Variants in TYW1B observed in about 807,000 individuals in gnomAD.
TYW1B encodes tRNA-yW synthesizing protein 1 homolog B.
In TYW1B, 73 loss-of-function variants were observed where a neutral mutation model predicts 86.9. That is an observed-to-expected ratio of 0.84 (90% CI 0.70 to 1.02). TYW1B has a LOEUF of 1.02. Among genes scored for constraint, TYW1B ranks in the 50% least tolerant of loss-of-function variants. The pLI is 0.00. For missense variants in TYW1B, 637 were observed against 827.4 expected, an observed-to-expected ratio of 0.77 and a Z score of 2.82; for synonymous variants, 248 against 292.8, an observed-to-expected ratio of 0.85 and a Z score of 1.56.
intron 6 of TYW1B, 140 bp from the exon 7 acceptor site, chr7:72,777,673 T>C (rs1554470844): frequency 9.5e-6 from 10 of 1,047,970 alleles, no homozygotes; most frequent in African/African-American, 1.6e-5. Flanking sequence ...CCCAGCATTT[T>C]AGAAGGCCAG....
chr7:72,622,871 G>A (rs1371243462), intron 12 of TYW1B, among the ~76,000 whole-genome samples: 3 of 152,054 alleles, frequency 2.0e-5, no homozygotes, highest in Non-Finnish European at 4.4e-5. Flanking sequence ...ACATGTCAGG[G>A]AGAAAAGATG....
intron 7 of TYW1B, among the ~76,000 whole-genome samples, chr7:72,767,107 A>T (rs1787783874): frequency 6.6e-6 from 1 of 152,026 alleles, no homozygotes; most frequent in Non-Finnish European, 1.5e-5. Context: ...TGAAGACTCT[A>T]CAAAATGAAA....
At chr7:72,591,052 A>T (rs1215914546) in intron 13 of TYW1B, among the ~76,000 whole-genome samples, 1 of 152,192 alleles carries the variant, frequency 6.6e-6, no homozygotes, top group African/African-American at 2.4e-5. Context: ...AACTGAAATG[A>T]AAAATTCATT....
At chr7:72,636,093 T>C (rs1451423667) in intron 11 of TYW1B, among the ~76,000 whole-genome samples, 1 of 152,254 alleles carries the variant, frequency 6.6e-6, no homozygotes, top group Admixed American at 6.5e-5. Context: ...TTTATTTAGA[T>C]CCTTTAAAAT....
At chr7:72,779,226 C>G (rs1170433204) in intron 6 of TYW1B, among the ~76,000 whole-genome samples, 1 of 152,226 alleles carries the variant, frequency 6.6e-6, no homozygotes, top group Admixed American at 6.5e-5. Flanking sequence ...TCTACTTTAA[C>G]ATGAGAATAT....
intron 9 of TYW1B, among the ~76,000 whole-genome samples, chr7:72,714,891 TG>T (rs1204711627): frequency 6.6e-6 from 1 of 152,170 alleles, no homozygotes; most frequent in African/African-American, 2.4e-5. Flanking sequence ...CACTCCAGCC[TG>T]GGCAACAGAG....
At chr7:72,778,574 C>G (rs1317832783) in intron 6 of TYW1B, among the ~76,000 whole-genome samples, 1 of 152,176 alleles carries the variant, frequency 6.6e-6, no homozygotes, top group African/African-American at 2.4e-5. Flanking sequence ...CTCAGCCTCC[C>G]AAGTAGCTGG....
At position 72,828,163 on chromosome 7, in the gene TYW1B, C is replaced by T. The variant is rs1214253163; in HGVS notation, c.-88G>A. 77 of 1,593,584 alleles carry T rather than the reference C, an allele frequency of 4.8e-5. No homozygotes were observed. In the African/African-American group the frequency reaches 9.6e-4, roughly 20 times the overall value. On this transcript the variant is annotated 5_prime_UTR_variant, in exon 1 of 14. Transcript: ENST00000620995. ...TACTGCGAGACGCACCGAGCTACCT[C>T]GCGGCGTTAGCGCCGTACCGAGTGG...
chr7:72,771,566 C>T (rs554352642), intron 7 of TYW1B, among the ~76,000 whole-genome samples: 2 of 152,138 alleles, frequency 1.3e-5, no homozygotes, highest in East Asian at 3.9e-4. Context: ...AATAGACATA[C>T]TGAATAAAAA....
At chr7:72,798,035 A>ACG (rs1295623971) in intron 6 of TYW1B, among the ~76,000 whole-genome samples, 1 of 83,274 alleles carries the variant, frequency 1.2e-5, no homozygotes, top group African/African-American at 3.9e-5. Flanking sequence ...ACACACACAC[A>ACG]CACGCACACA....
chr7:72,747,121 T>C (rs1787409216), intron 7 of TYW1B, among the ~76,000 whole-genome samples: 2 of 152,176 alleles, frequency 1.3e-5, no homozygotes, highest in South Asian at 2.1e-4. Context: ...TTTGGCTGTG[T>C]CCCCACTCAA....
intron 13 of TYW1B, among the ~76,000 whole-genome samples, chr7:72,596,166 A>G (rs1160560504): frequency 1.5e-5 from 2 of 136,002 alleles, no homozygotes; most frequent in African/African-American, 2.9e-5. Flanking sequence ...ACAAGAGTGG[A>G]AAAACTCTGT....
intron 10 of TYW1B, among the ~76,000 whole-genome samples, chr7:72,700,694 A>C (rs1236036626): frequency 6.6e-6 from 1 of 152,054 alleles, no homozygotes; most frequent in Non-Finnish European, 1.5e-5. Flanking sequence ...GCATGCCTGA[A>C]GGTGCCCCAT....
rs1491239231 is a variant in TYW1B at position 72,632,312 on chromosome 7, T to TACACG, written c.1507-3316_1507-3315insCGTGT. On this transcript the variant is annotated intron_variant, in intron 11 of 13. Coordinates refer to ENST00000620995, the MANE Select transcript of TYW1B (RefSeq NM_001145440.3). ...ATATATATATATACGTGTATATATA[T>TACACG]TATATATATTATATATATATACACG... 1.9e-3 allele frequency among the ~76,000 whole-genome samples: 169 copies of TACACG among 86,996 alleles called. 4 individuals are homozygous for TACACG. Among genetic ancestry groups the TACACG allele is most frequent in the African/African-American group, 9.8e-3 (156 of 15,984 alleles). 57.1% of individuals were successfully genotyped at this position (86,996 alleles called of 152,430 possible).
intron 2 of TYW1B, among the ~76,000 whole-genome samples, chr7:72,825,101 CAAAA>C (rs58039217): frequency 2.7e-5 from 2 of 74,978 alleles, no homozygotes; most frequent in Non-Finnish European, 2.8e-5. Flanking sequence ...ACCCTGTCTC[CAAAA>C]AAAAAAAAAA....
Position 72,802,878 on chromosome 7 carries a change from C to T in TYW1B, c.724-356G>A, listed in dbSNP as rs1373759656. Among the ~76,000 whole-genome samples, 7 of 152,098 alleles carry T rather than the reference C, an allele frequency of 4.6e-5. No individual in the cohort carries two copies. In the East Asian group the frequency reaches 1.4e-3, roughly 29 times the overall value. ...TCAGGTAATCCACCCACCTCAGCCT[C>T]CCAAAGTGCTGAGATTACAGGCGTC... On this transcript the variant is annotated intron_variant, in intron 5 of 13. Transcript: ENST00000620995.
At chr7:72,749,867 A>G (rs1787467172) in intron 7 of TYW1B, among the ~76,000 whole-genome samples, 1 of 145,842 alleles carries the variant, frequency 6.9e-6, no homozygotes, top group South Asian at 2.2e-4. Context: ...CATCCTACAG[A>G]TACGTTTAAT....
chr7:72,709,625 G>A (rs1814701401), intron 10 of TYW1B, among the ~76,000 whole-genome samples: 2 of 152,024 alleles, frequency 1.3e-5, no homozygotes, highest in South Asian at 2.1e-4. Flanking sequence ...CCGAGATGGC[G>A]CCATTGCACT....
At chr7:72,715,462 T>C (rs1412547629) in intron 9 of TYW1B, among the ~76,000 whole-genome samples, 1 of 152,178 alleles carries the variant, frequency 6.6e-6, no homozygotes, top group Non-Finnish European at 1.5e-5. Flanking sequence ...AGAGATATGC[T>C]GTCCTAAAAG....
Sources: gnomAD v4.1 joint callset for allele counts (sites outside exome capture counted in the v4.1 genomes callset) on GRCh38, gnomAD v4.1.1 for gene constraint, MANE v1.5 for transcripts, NCBI Gene and HGNC (gene_info 2026-07-23, HGNC 2026-07-21) for gene names.